Variants in NCOA3 observed in about 807,000 individuals in gnomAD.
NCOA3 encodes CBP-interacting protein.
A neutral mutation model predicts 158.8 loss-of-function variants in NCOA3; 51 were observed. The ratio of observed to expected loss-of-function variants is 0.32; its 90% CI spans 0.26 to 0.41. The LOEUF (loss-of-function observed/expected upper bound fraction) is 0.41. Ranked by LOEUF, NCOA3 falls within the 10% of genes least tolerant of loss-of-function variation. The pLI, the probability that NCOA3 is intolerant of heterozygous loss-of-function variation, is 1.00. For missense variants in NCOA3, 1,510 were observed against 1,746.6 expected, an observed-to-expected ratio of 0.86 and a Z score of 2.41; for synonymous variants, 537 against 592.4, an observed-to-expected ratio of 0.91 and a Z score of 1.36.
chr20:47,635,910 ATCT>A lies in NCOA3; in HGVS notation c.1528_1530del (p.Ser510del). 6.2e-7 allele frequency: 1 copy of A among 1,613,262 alleles called. No homozygotes were observed. The highest frequency in any genetic ancestry group is 8.5e-7 in the Non-Finnish European group (1 of 1,179,614). On this transcript the variant is annotated inframe_deletion, in exon 12 of 23. Coordinates refer to ENST00000371998, the MANE Select transcript of NCOA3 (RefSeq NM_181659.3). Reference sequence around the variant, plus strand: ...ATTCAGGTGTGCACTCTCCCATGGCATCTTCTGGCAATACTGGGAACCACAGCT... The same window carrying A: ...ATTCAGGTGTGCACTCTCCCATGGCATCTGGCAATACTGGGAACCACAGCT...
intron 6 of NCOA3, 35 bp downstream of exon 6, chr20:47,627,211 A>C (rs751242953): frequency 3.3e-6 from 5 of 1,496,534 alleles, no homozygotes; most frequent in East Asian, 2.3e-5. Context: ...AAATAGGTTA[A>C]ATTTTTTTCC....
chr20:47,639,934 A>G lies in NCOA3; in HGVS notation c.2963A>G (p.Glu988Gly). 6.2e-7 allele frequency: 1 copy of G among 1,614,226 alleles called. No homozygotes were observed. ...QQQMLQMRPG[E>G]IPMGMGANPY... Reference sequence around the variant, plus strand: ...CTTTTTGCTCCCCCAGGGCCTGGTGAAATCCCCATGGGAATGGGGGCTAAT... The same window carrying G: ...CTTTTTGCTCCCCCAGGGCCTGGTGGAATCCCCATGGGAATGGGGGCTAAT... The change falls in exon 16 of 23, where the codon GAA becomes GGA. Residue 988 changes from glutamate (E) to glycine (G), a missense_variant. Transcript: ENST00000371998.
intron 2 of NCOA3, 123 bp downstream of exon 2, chr20:47,583,384 T>C (rs2146222235): frequency 2.6e-6 from 1 of 388,844 alleles, no homozygotes; most frequent in South Asian, 1.4e-4. Context: ...TTTTTCTCTT[T>C]AATGATTATT....
At chr20:47,508,929 G>T (rs1306246481) in intron 1 of NCOA3, among the ~76,000 whole-genome samples, 2 of 152,122 alleles carry the variant, frequency 1.3e-5, no homozygotes, top group African/African-American at 4.8e-5. Flanking sequence ...AAAACAAAGG[G>T]TGCTCTGTAT....
At position 47,527,404 on chromosome 20, in the gene NCOA3, G is replaced by A. The variant is rs568603442; in HGVS notation, c.-99+25385G>A. Among the ~76,000 whole-genome samples the A allele has an allele frequency of 2.0e-5, 3 of 151,930 alleles. No individual in the cohort carries two copies. In the East Asian group the frequency reaches 5.8e-4, roughly 29 times the overall value. ...TTACGTATATTTTGTTGCTGTTGTT[G>A]TGTCATACTTCTTTTGCTTAGTCTA... On this transcript the variant is annotated intron_variant, in intron 1 of 22. Transcript: ENST00000371998.
chr20:47,561,299 C>CT (rs34668605), intron 1 of NCOA3, among the ~76,000 whole-genome samples: 13,587 of 117,708 alleles, frequency 0.12, 1,032 homozygotes, highest in African/African-American at 0.18. Context: ...TTCAAGTTGA[C>CT]TTTTTTTTTT....
intron 21 of NCOA3, 64 bp from the exon 22 acceptor site, chr20:47,652,867 G>A (rs2086819103): frequency 1.3e-6 from 2 of 1,551,766 alleles, no homozygotes; most frequent in South Asian, 1.1e-5. Context: ...AGTAATTTCT[G>A]TGGGCATGCC....
chr20:47,567,015 T>TTA, intron 1 of NCOA3, among the ~76,000 whole-genome samples: 1 of 66,466 alleles, frequency 1.5e-5, no homozygotes, highest in South Asian at 8.1e-4. Flanking sequence ...TATAGTACTA[T>TTA]GTATGTATGT....
intron 1 of NCOA3, among the ~76,000 whole-genome samples, chr20:47,553,404 T>G (rs2084952310): frequency 6.6e-6 from 1 of 152,066 alleles, no homozygotes; most frequent in Non-Finnish European, 1.5e-5. Flanking sequence ...TTTTTTAAAT[T>G]ATTATTATTA....
At chr20:47,557,493 C>A (rs72662707) in intron 1 of NCOA3, among the ~76,000 whole-genome samples, 1 of 152,114 alleles carries the variant, frequency 6.6e-6, no homozygotes, top group Non-Finnish European at 1.5e-5. Context: ...GGGTTTAAAC[C>A]GCCACCTGTC....
chr20:47,540,208 G>T (rs2084700521), intron 1 of NCOA3, among the ~76,000 whole-genome samples: 1 of 152,068 alleles, frequency 6.6e-6, no homozygotes, highest in African/African-American at 2.4e-5. Flanking sequence ...GTCAACTTTG[G>T]CTTGGAGATA....
intron 1 of NCOA3, among the ~76,000 whole-genome samples, chr20:47,511,265 G>A (rs1294622307): frequency 7.7e-6 from 1 of 130,280 alleles, no homozygotes. Context: ...TTTTTTTTTT[G>A]AGATGGGGGT....
intron 8 of NCOA3, among the ~76,000 whole-genome samples, chr20:47,629,979 G>C (rs970053977): frequency 6.6e-6 from 1 of 152,222 alleles, no homozygotes; most frequent in African/African-American, 2.4e-5. Context: ...CAAATGCTTT[G>C]TGTGATTAAC....
At chr20:47,633,984 C>A in intron 9 of NCOA3, 64 bp from the exon 10 acceptor site, 3 of 1,549,710 alleles carry the variant, frequency 1.9e-6, no homozygotes, top group Non-Finnish European at 2.7e-6. Context: ...TCCTCCCTGT[C>A]CCCTCCTATA....
chr20:47,591,015 A>C (rs2085625412), intron 2 of NCOA3, among the ~76,000 whole-genome samples: 1 of 151,950 alleles, frequency 6.6e-6, no homozygotes, highest in Admixed American at 6.5e-5. Context: ...AGGCTGAGGC[A>C]TAAGAATCAC....
At position 47,625,496 on chromosome 20, in the gene NCOA3, T is replaced by G. The variant is rs1478394810; in HGVS notation, c.357+15T>G. On this transcript the variant is annotated intron_variant, in intron 5 of 22. Coordinates refer to ENST00000371998, the MANE Select transcript of NCOA3 (RefSeq NM_181659.3). Reference sequence around the variant, plus strand: ...TTTTACTTCAGGCAAGTATAAAGATTTTAACTGTCCAGTAGGCTGTATTGC... The same window carrying G: ...TTTTACTTCAGGCAAGTATAAAGATGTTAACTGTCCAGTAGGCTGTATTGC... 6.5e-7 allele frequency: 1 copy of G among 1,532,454 alleles called. No individual in the cohort carries two copies. The highest frequency in any genetic ancestry group is 9.0e-7 in the Non-Finnish European group (1 of 1,105,732). 94.9% of individuals were successfully genotyped at this position (1,532,454 alleles called of 1,614,324 possible).
At chr20:47,642,182 C>G (rs1359473965) in intron 16 of NCOA3, 31 bp from the exon 17 acceptor site, 3 of 1,511,158 alleles carry the variant, frequency 2.0e-6, no homozygotes, top group Non-Finnish European at 2.7e-6. Context: ...AAAAAAAGCA[C>G]CATTGACATT....
intron 13 of NCOA3, among the ~76,000 whole-genome samples, chr20:47,638,306 A>C (rs2086549535): frequency 6.6e-6 from 1 of 152,188 alleles, no homozygotes. Flanking sequence ...GCTACTCGGG[A>C]GGCTAAGGCA....
chr20:47,590,117 T>C lies in NCOA3; in HGVS notation c.-20+6856T>C, dbSNP rs543465602. Among the ~76,000 whole-genome samples the C allele has an allele frequency of 1.9e-4, 29 of 152,172 alleles. No homozygotes were observed. The South Asian group carries it at 5.8e-3, about 30-fold the overall frequency. ...CCACTGTGTCCTGCCCTACTATCTT[T>C]GTTATAGTGGTGGACTTGTCATACG... On this transcript the variant is annotated intron_variant, in intron 2 of 22. Coordinates refer to ENST00000371998, the MANE Select transcript of NCOA3 (RefSeq NM_181659.3).
Sources: gnomAD v4.1 joint callset for allele counts (sites outside exome capture counted in the v4.1 genomes callset) on GRCh38, gnomAD v4.1.1 for gene constraint, MANE v1.5 for transcripts, NCBI Gene and HGNC (gene_info 2026-07-23, HGNC 2026-07-21) for gene names.